DIP2B: variants seen among roughly 807,000 people sequenced by gnomAD.
DIP2B encodes the protein DIP2 acetate--CoA ligase B (putative), also known as disco-interacting protein 2 homolog B.
In DIP2B, 76 loss-of-function variants were observed where a neutral mutation model predicts 198.0. The ratio of observed to expected loss-of-function variants is 0.38; its 90% CI spans 0.32 to 0.46. DIP2B has a LOEUF of 0.46. Among genes scored for constraint, DIP2B ranks in the 20% least tolerant of loss-of-function variants. DIP2B has a pLI of 0.99. For synonymous variants in DIP2B, 701 were observed against 739.1 expected (o/e 0.95, Z 0.84); for missense variants, 1,559 against 1,978.4 (o/e 0.79, Z 4.02).
chr12:50,611,614 G>A (rs1418748717), intron 1 of DIP2B, among the ~76,000 whole-genome samples: 1 of 152,024 alleles, frequency 6.6e-6, no homozygotes. Context: ...GGATTTGGGA[G>A]CTCCCTTTCC....
At position 50,695,871 on chromosome 12, in the gene DIP2B, C is replaced by T; in HGVS notation, c.1837C>T (p.Arg613Trp). ...HKAKVALVKC[R>W]DLHWAMMAHR... is the part of the protein sequence containing the mutation. ...AGCCAAGGTAGCTTTAGTAAAATGT[C>T]GGGACTTGCACTGGGCTATGATGGC... Residue 613 changes from arginine (R) to tryptophan (W), a missense_variant, in exon 16 of 38, where the codon CGG (arginine) becomes TGG (tryptophan). Physicochemically the swap from Arg to Trp is moderately radical, Grantham distance 101. Transcript: ENST00000301180. 3 of 1,614,014 alleles carry T rather than the reference C, an allele frequency of 1.9e-6. No individual in the cohort carries two copies. Among genetic ancestry groups the T allele is most frequent in the Non-Finnish European group, 2.5e-6 (3 of 1,179,930 alleles).
At chr12:50,690,275 A>G (rs920106272) in intron 12 of DIP2B, among the ~76,000 whole-genome samples, 2 of 152,078 alleles carry the variant, frequency 1.3e-5, no homozygotes, top group African/African-American at 4.8e-5. Flanking sequence ...TTTAGTAGAG[A>G]CGTCGTTTCA....
At chr12:50,539,350 G>A (rs1958298875) in intron 1 of DIP2B, among the ~76,000 whole-genome samples, 1 of 151,298 alleles carries the variant, frequency 6.6e-6, no homozygotes, top group African/African-American at 2.4e-5. Flanking sequence ...TGCACAGGCC[G>A]GGTGTGGTGT....
At chr12:50,513,467 A>C (rs1033583045) in intron 1 of DIP2B, among the ~76,000 whole-genome samples, 1 of 152,346 alleles carries the variant, frequency 6.6e-6, no homozygotes, top group African/African-American at 2.4e-5. Context: ...TCTACAAGCT[A>C]TGAAAAGGGA....
At chr12:50,642,445 C>T (rs773582982) in intron 3 of DIP2B, among the ~76,000 whole-genome samples, 51 of 152,028 alleles carry the variant, frequency 3.4e-4, no homozygotes, top group Non-Finnish European at 6.6e-4. Flanking sequence ...CAGGGCCTTC[C>T]ATATATAAGA....
chr12:50,662,015 A>G (rs186227824), intron 4 of DIP2B, among the ~76,000 whole-genome samples: 82 of 152,326 alleles, frequency 5.4e-4, no homozygotes, highest in Non-Finnish European at 1.0e-3. Flanking sequence ...GCAGCTGTTC[A>G]TTGCTGAATG....
At chr12:50,699,768 C>T (rs534856947) in intron 19 of DIP2B, among the ~76,000 whole-genome samples, 2 of 151,880 alleles carry the variant, frequency 1.3e-5, no homozygotes, top group African/African-American at 2.4e-5. Flanking sequence ...AAGGCTGAGG[C>T]AGGAGGATCC....
At chr12:50,724,689 G>C in intron 27 of DIP2B, 86 bp from the exon 28 acceptor site, 1 of 1,099,964 alleles carries the variant, frequency 9.1e-7, no homozygotes. Flanking sequence ...TGTGGTACAT[G>C]AGTGGCTTTT....
intron 26 of DIP2B, 147 bp downstream of exon 26, chr12:50,721,543 TG>T: frequency 8.1e-7 from 1 of 1,232,100 alleles, no homozygotes; most frequent in Non-Finnish European, 1.1e-6. Flanking sequence ...CAGGCCAAAG[TG>T]GGAACCAATC....
chr12:50,554,885 A>G (rs1034052422), intron 1 of DIP2B, among the ~76,000 whole-genome samples: 48 of 150,188 alleles, frequency 3.2e-4, no homozygotes, highest in African/African-American at 1.1e-3. Context: ...CCCCTGCCTC[A>G]GGCTCCCGAG....
chr12:50,575,989 C>T (rs1449858112), intron 1 of DIP2B, among the ~76,000 whole-genome samples: 1 of 151,862 alleles, frequency 6.6e-6, no homozygotes, highest in Non-Finnish European at 1.5e-5. Context: ...AACTCCTGAC[C>T]TTAGATGATC....
At chr12:50,554,982 T>C in intron 1 of DIP2B, among the ~76,000 whole-genome samples, 1 of 141,490 alleles carries the variant, frequency 7.1e-6, no homozygotes, top group East Asian at 2.2e-4. Context: ...TTGGCCAGGA[T>C]GGTCTCTTGT....
At chr12:50,545,346 CCTT>C (rs1174422883) in intron 1 of DIP2B, among the ~76,000 whole-genome samples, 1 of 143,986 alleles carries the variant, frequency 6.9e-6, no homozygotes, top group Non-Finnish European at 1.5e-5. Context: ...CTCCCTCCCT[CCTT>C]CTTTCTTTCT....
chr12:50,720,050 C>T (rs930612705), intron 25 of DIP2B, among the ~76,000 whole-genome samples: 4 of 151,042 alleles, frequency 2.6e-5, no homozygotes, highest in East Asian at 2.0e-4. Flanking sequence ...CCTGCCTCAG[C>T]GTCCCGAGTA....
At chr12:50,663,100 T>G (rs1390341222) in intron 4 of DIP2B, among the ~76,000 whole-genome samples, 1 of 151,576 alleles carries the variant, frequency 6.6e-6, no homozygotes, top group Non-Finnish European at 1.5e-5. Context: ...AGAGCGAGAC[T>G]CCATCTCAAA....
chr12:50,704,167 C>T lies in DIP2B; in HGVS notation c.2353C>T (p.Pro785Ser). Residue 785 changes from proline (P) to serine (S), a missense_variant, in exon 20 of 38, where the codon CCT becomes TCT. Coordinates refer to ENST00000301180, the MANE Select transcript of DIP2B (RefSeq NM_173602.3). The stretch of plus-strand genomic sequence containing the variant: ...AATTCCAGTGAATTCTGCAGGCTCT[C>T]CTGTTGGGGATGTGCCATTCATCCG... ...EVIPVNSAGSPVGDVPFIRSG... is the reference protein window; with the variant it reads ...EVIPVNSAGSSVGDVPFIRSG... The T allele has an allele frequency of 6.2e-7, 1 of 1,611,078 alleles. No individual in the cohort carries two copies. Among genetic ancestry groups the T allele is most frequent in the Non-Finnish European group, 8.5e-7 (1 of 1,179,516 alleles).
chr12:50,656,599 TCTCGC>T (rs1938558479), intron 3 of DIP2B, among the ~76,000 whole-genome samples: 1 of 151,970 alleles, frequency 6.6e-6, no homozygotes, highest in African/African-American at 2.4e-5. Context: ...TGAGATGGAG[TCTCGC>T]TCTTTCACCC....
intron 30 of DIP2B, among the ~76,000 whole-genome samples, chr12:50,730,120 T>A (rs2139596468): frequency 6.6e-6 from 1 of 152,242 alleles, no homozygotes; most frequent in East Asian, 1.9e-4. Context: ...GTCTCTCAAG[T>A]TTCAGTGGCT....
chr12:50,714,687 A>T, intron 23 of DIP2B, 91 bp downstream of exon 23: 2 of 1,512,110 alleles, frequency 1.3e-6, no homozygotes, highest in South Asian at 2.3e-5. Flanking sequence ...CAATTAGTTT[A>T]CAAAGACTTT....
Sources: gnomAD v4.1 joint callset for allele counts (sites outside exome capture counted in the v4.1 genomes callset) on GRCh38, gnomAD v4.1.1 for gene constraint, MANE v1.5 for transcripts, NCBI Gene and HGNC (gene_info 2026-07-23, HGNC 2026-07-21) for gene names.